ISY1: variants seen among roughly 807,000 people sequenced by gnomAD.
ISY1 encodes ISY1 spliceosome associated protein.
A neutral mutation model predicts 54.4 loss-of-function variants in ISY1; 12 were observed. The ratio of observed to expected loss-of-function variants is 0.22; its 90% confidence interval spans 0.14 to 0.36. The LOEUF (loss-of-function observed/expected upper bound fraction) is 0.36. Ranked by LOEUF, ISY1 falls within the 10% of genes least tolerant of loss-of-function variation. The probability of loss-of-function intolerance (pLI) is 1.00; values close to 1 mark genes in which losing one functional copy is unlikely to be tolerated. For synonymous variants in ISY1, 96 were observed against 117.9 expected (o/e 0.81, Z 1.20); for missense variants, 282 against 342.2 (o/e 0.82, Z 1.39).
chr3:129,160,397 A>C (rs143004789), intron 1 of ISY1, among the ~76,000 whole-genome samples: 122 of 152,166 alleles, frequency 8.0e-4, no homozygotes, highest in African/African-American at 2.8e-3. Flanking sequence ...GAAGAAATGA[A>C]GAAACCAACA....
Position 129,134,846 on chromosome 3 carries a change from T to G in ISY1, c.527A>C (p.Glu176Ala), listed in dbSNP as rs377629144. 1 of 1,609,154 alleles carries G rather than the reference T, an allele frequency of 6.2e-7. No homozygotes were observed. Residue 176 changes from glutamate to alanine, a missense_variant, in exon 8 of 11, where the codon GAA (glutamate) becomes GCA (alanine). Transcript: ENST00000393295. ...DDGVIVPLEQ[E>A]YEKKLRAELV... ...CAGAGACCTACGTTTCTTTTCATAT[T>G]CCTGTTCCAAAGGCACAATAACACC... is the stretch of plus-strand genomic sequence containing the variant.
At chr3:129,144,110 C>T (rs750889179) in intron 6 of ISY1, 12 of 420,802 alleles carry the variant, frequency 2.9e-5, no homozygotes, top group South Asian at 2.1e-4. Flanking sequence ...TGCTTTTAAG[C>T]TGCCTCACAG....
In ISY1 at chr3:129,127,964, G is replaced by A. The variant is rs1316119917; in HGVS notation, c.*2117C>T. On this transcript the variant is annotated 3_prime_UTR_variant, in exon 11 of 11. Coordinates refer to ENST00000393295, the MANE Select transcript of ISY1 (RefSeq NM_020701.4). ...CCCTTGGAAGACAAACCCACAACCA[G>A]GCCTGTCTGAGGCCGGCCATCCGCA... The A allele has an allele frequency of 6.6e-6, 1 of 152,344 alleles. No homozygotes were observed. Among genetic ancestry groups the A allele is most frequent in the African/African-American group, 2.4e-5 (1 of 41,460 alleles). 9.4% of individuals were successfully genotyped at this position (152,344 alleles called of 1,614,324 possible).
chr3:129,152,355 G>A (rs1936998324), intron 5 of ISY1, among the ~76,000 whole-genome samples: 2 of 151,976 alleles, frequency 1.3e-5, no homozygotes, highest in Non-Finnish European at 1.5e-5. Context: ...TGTTTTTCCA[G>A]AATAAATCCT....
chr3:129,156,197 G>GACC (rs1937133914), intron 5 of ISY1, among the ~76,000 whole-genome samples: 1 of 151,908 alleles, frequency 6.6e-6, no homozygotes, highest in Non-Finnish European at 1.5e-5. Flanking sequence ...AGGAGATCAA[G>GACC]ACCATCCTGG....
intron 6 of ISY1, among the ~76,000 whole-genome samples, chr3:129,144,908 T>C (rs781460641): frequency 6.6e-6 from 1 of 152,150 alleles, no homozygotes; most frequent in Non-Finnish European, 1.5e-5. Context: ...TGAGGAACCA[T>C]GCTCATTTTA....
At chr3:129,139,786 GCATGCACCAC>G (rs1245327867) in intron 7 of ISY1, among the ~76,000 whole-genome samples, 1 of 152,094 alleles carries the variant, frequency 6.6e-6, no homozygotes, top group Non-Finnish European at 1.5e-5. Flanking sequence ...GGGAGTACAG[GCATGCACCAC>G]CATGCCCAGC....
At chr3:129,153,929 A>G (rs1385955192) in intron 5 of ISY1, among the ~76,000 whole-genome samples, 1 of 151,698 alleles carries the variant, frequency 6.6e-6, no homozygotes, top group East Asian at 2.0e-4. Flanking sequence ...ACATGGTGAA[A>G]CCCTGTCTCT....
intron 9 of ISY1, among the ~76,000 whole-genome samples, chr3:129,132,964 C>T (rs1457492738): frequency 6.6e-6 from 1 of 152,176 alleles, no homozygotes; most frequent in Admixed American, 6.5e-5. Flanking sequence ...GCAAGCTCCT[C>T]ATGTGGAACC....
At chr3:129,151,628 CA>C (rs1321777088) in intron 5 of ISY1, among the ~76,000 whole-genome samples, 1 of 151,216 alleles carries the variant, frequency 6.6e-6, no homozygotes, top group African/African-American at 2.4e-5. Context: ...GACTCCATCT[CA>C]AAAAAAAGAA....
chr3:129,156,077 G>A (rs1302292702), intron 5 of ISY1, among the ~76,000 whole-genome samples: 1 of 151,638 alleles, frequency 6.6e-6, no homozygotes, highest in South Asian at 2.1e-4. Flanking sequence ...GTTTTATTTT[G>A]GTGAATGTTC....
rs1936124853 is a variant in ISY1, at chr3:129,127,576, C to G, written c.*2505G>C. ...CCTGGGACTGGAGCCCTGCTGAGAC[C>G]TTGTCCCACATCTAGGACCCTCTAG... is the stretch of plus-strand genomic sequence containing the variant. On this transcript the variant is annotated 3_prime_UTR_variant, in exon 11 of 11. Coordinates refer to ENST00000393295, the MANE Select transcript of ISY1 (RefSeq NM_020701.4). The G allele has an allele frequency of 6.6e-6, 1 of 152,222 alleles. No homozygotes were observed. The highest frequency in any genetic ancestry group is 2.4e-5 in the African/African-American group (1 of 41,440). The allele number at this position is 152,222 out of a possible 1,614,324, so 9.4% of individuals were successfully genotyped here.
chr3:129,138,150 C>T (rs1023317312), intron 7 of ISY1, among the ~76,000 whole-genome samples: 7 of 149,460 alleles, frequency 4.7e-5, no homozygotes, highest in Non-Finnish European at 8.9e-5. Context: ...TGGTGGCGGG[C>T]GCCTATAGTA....
intron 6 of ISY1, among the ~76,000 whole-genome samples, chr3:129,141,800 T>TA (rs1936625331): frequency 6.7e-6 from 1 of 150,304 alleles, no homozygotes; most frequent in South Asian, 2.1e-4. Flanking sequence ...TAAATAAAGA[T>TA]AAAAAACACG....
chr3:129,130,849 G>GAA, intron 9 of ISY1: 1 of 439,512 alleles, frequency 2.3e-6, no homozygotes, highest in Non-Finnish European at 3.9e-6. Context: ...GAGGAAATAA[G>GAA]AATAGAAATT....
At chr3:129,147,334 G>A (rs1231251718) in intron 5 of ISY1, among the ~76,000 whole-genome samples, 3 of 143,184 alleles carry the variant, frequency 2.1e-5, no homozygotes, top group African/African-American at 5.2e-5. Context: ...CCAAGATCAC[G>A]CCAGGGCACT....
chr3:129,150,710 T>C (rs2107615347), intron 5 of ISY1, among the ~76,000 whole-genome samples: 1 of 152,096 alleles, frequency 6.6e-6, no homozygotes, highest in Non-Finnish European at 1.5e-5. Flanking sequence ...AAAAAATAAA[T>C]AAATAAAATT....
At chr3:129,130,452 G>C in intron 10 of ISY1, 98 bp downstream of exon 10, 3 of 1,460,218 alleles carry the variant, frequency 2.1e-6, no homozygotes, top group South Asian at 1.3e-5. Context: ...GAGCTGCCCT[G>C]ATGGGTAGGA....
intron 5 of ISY1, among the ~76,000 whole-genome samples, chr3:129,150,339 A>C (rs763023591): frequency 2.0e-5 from 3 of 152,164 alleles, no homozygotes; most frequent in African/African-American, 7.2e-5. Context: ...CTCCCCATTC[A>C]TTCGGGTCTT....
Sources: allele counts gnomAD v4.1 joint callset (sites outside exome capture counted in the v4.1 genomes callset), GRCh38; gene constraint gnomAD v4.1.1; transcripts MANE v1.5; gene names NCBI Gene and HGNC (gene_info 2026-07-23, HGNC 2026-07-21).